The following CDH13 variants were observed in gnomAD, a reference collection of about 807,000 sequenced individuals.
CDH13 encodes the protein cadherin 13.
Under a neutral mutation model 63.8 loss-of-function variants are expected in CDH13, and 24 were observed. That is an observed-to-expected ratio of 0.38 (90% confidence interval 0.27 to 0.53). The LOEUF (loss-of-function observed/expected upper bound fraction) is 0.53. Among genes scored for constraint, CDH13 ranks in the 20% least tolerant of loss-of-function variants. The pLI is 0.85. For missense variants in CDH13, 1,049 were observed against 903.1 expected (o/e 1.16, Z -2.07); for synonymous variants, 503 against 355.3 (o/e 1.42, Z -4.67).
intron 13 of CDH13, among the ~76,000 whole-genome samples, chr16:83,788,170 C>T (rs1260326445): frequency 6.6e-6 from 1 of 152,170 alleles, no homozygotes; most frequent in Non-Finnish European, 1.5e-5. Context: ...AATTTCTGAA[C>T]ATCAAAGCCT....
chr16:83,524,456 T>C (rs898585447), intron 7 of CDH13, among the ~76,000 whole-genome samples: 40 of 136,930 alleles, frequency 2.9e-4, no homozygotes, highest in Non-Finnish European at 5.3e-4. Flanking sequence ...TTTTTTTTTT[T>C]TTTTTTTTTT....
intron 7 of CDH13, among the ~76,000 whole-genome samples, chr16:83,601,198 GT>G (rs747366234): frequency 6.6e-6 from 1 of 152,092 alleles, no homozygotes; most frequent in Non-Finnish European, 1.5e-5. Context: ...TAAAGGATAG[GT>G]CCCCAAAGGA....
intron 5 of CDH13, among the ~76,000 whole-genome samples, chr16:83,252,022 A>C (rs1905599439): frequency 1.3e-5 from 2 of 151,044 alleles, no homozygotes. Flanking sequence ...TTGGATTTTT[A>C]AGCTCCGAGA....
intron 8 of CDH13, among the ~76,000 whole-genome samples, chr16:83,621,912 G>C (rs963946568): frequency 6.6e-6 from 1 of 152,030 alleles, no homozygotes; most frequent in Non-Finnish European, 1.5e-5. Context: ...CTGTCCCTCC[G>C]TCATTTCTTC....
chr16:83,120,483 A>G (rs1040279896), intron 3 of CDH13, among the ~76,000 whole-genome samples: 2 of 152,210 alleles, frequency 1.3e-5, no homozygotes, highest in African/African-American at 4.8e-5. Context: ...GGACACATTT[A>G]GACATACATT....
intron 2 of CDH13, among the ~76,000 whole-genome samples, chr16:82,970,123 C>A (rs564232375): frequency 1.1e-4 from 17 of 152,192 alleles, no homozygotes; most frequent in African/African-American, 4.1e-4. Context: ...GTTTCCCTCC[C>A]TGTTTCCTTG....
chr16:83,142,165 T>G (rs968564586), intron 4 of CDH13, among the ~76,000 whole-genome samples: 6 of 146,228 alleles, frequency 4.1e-5, no homozygotes, highest in South Asian at 2.2e-4. Context: ...TTTTTGTTTT[T>G]TTTTTTTTTT....
chr16:83,119,977 T>C (rs1371053160), intron 3 of CDH13, among the ~76,000 whole-genome samples: 6 of 152,216 alleles, frequency 3.9e-5, no homozygotes, highest in Non-Finnish European at 8.8e-5. Context: ...AAATATTCAC[T>C]GAAGTTTCTC....
chr16:83,024,301 C>G (rs978859980), intron 2 of CDH13, among the ~76,000 whole-genome samples: 3 of 152,004 alleles, frequency 2.0e-5, no homozygotes, highest in African/African-American at 7.3e-5. Context: ...TGAAAAAATA[C>G]CTGGCATATT....
At chr16:82,772,722 T>C (rs1468643809) in intron 1 of CDH13, among the ~76,000 whole-genome samples, 1 of 152,202 alleles carries the variant, frequency 6.6e-6, no homozygotes, top group Non-Finnish European at 1.5e-5. Flanking sequence ...ATCTTTGTCA[T>C]CCTTCTTCTA....
intron 10 of CDH13, among the ~76,000 whole-genome samples, chr16:83,710,747 G>A (rs1907913999): frequency 6.6e-6 from 1 of 152,170 alleles, no homozygotes; most frequent in African/African-American, 2.4e-5. Flanking sequence ...CATGTGTGAA[G>A]CGCTTAGCAC....
At chr16:83,528,676 C>T (rs1290217137) in intron 7 of CDH13, among the ~76,000 whole-genome samples, 1 of 152,226 alleles carries the variant, frequency 6.6e-6, no homozygotes, top group Non-Finnish European at 1.5e-5. Flanking sequence ...CCATCTATCT[C>T]TAAATTCTCT....
chr16:83,211,423 A>G (rs1189521511), intron 4 of CDH13, among the ~76,000 whole-genome samples: 55 of 152,232 alleles, frequency 3.6e-4, no homozygotes, highest in Non-Finnish European at 2.4e-4. Flanking sequence ...CACATTGAGT[A>G]GAAATAATTG....
intron 3 of CDH13, among the ~76,000 whole-genome samples, chr16:83,094,950 G>T (rs2034121782): frequency 6.6e-6 from 1 of 152,264 alleles, no homozygotes; most frequent in Middle Eastern, 3.4e-3. Flanking sequence ...ATCATCCTGT[G>T]TACACCTTGT....
intron 11 of CDH13, among the ~76,000 whole-genome samples, chr16:83,764,271 G>A (rs547326828): frequency 1.2e-4 from 18 of 152,190 alleles, no homozygotes; most frequent in Admixed American, 1.1e-3. Flanking sequence ...CTTGGACAAG[G>A]ATGCTAAATC....
At chr16:82,947,848 A>T (rs1430053201) in intron 2 of CDH13, among the ~76,000 whole-genome samples, 1 of 152,174 alleles carries the variant, frequency 6.6e-6, no homozygotes, top group Non-Finnish European at 1.5e-5. Flanking sequence ...TTAAAATGGA[A>T]ACCCTGACAA....
intron 4 of CDH13, among the ~76,000 whole-genome samples, chr16:83,163,666 G>A (rs143120822): frequency 3.9e-4 from 59 of 152,058 alleles, no homozygotes; most frequent in African/African-American, 1.4e-3. Flanking sequence ...TCTTTCCTTG[G>A]TACCATGGAT....
chr16:83,274,606 A>G (rs2088926485), intron 5 of CDH13, among the ~76,000 whole-genome samples: 2 of 152,200 alleles, frequency 1.3e-5, no homozygotes, highest in Admixed American at 1.3e-4. Context: ...CCCCACATGC[A>G]GCACAGAGCC....
At chr16:82,811,939 T>C (rs2037464810) in intron 1 of CDH13, among the ~76,000 whole-genome samples, 1 of 152,112 alleles carries the variant, frequency 6.6e-6, no homozygotes, top group Non-Finnish European at 1.5e-5. Context: ...CTTTTGAGTA[T>C]CATGGAAATA....
Sources: allele counts gnomAD v4.1 joint callset (sites outside exome capture counted in the v4.1 genomes callset), GRCh38; gene constraint gnomAD v4.1.1; transcripts MANE v1.5; gene names NCBI Gene and HGNC (gene_info 2026-07-23, HGNC 2026-07-21).